Variants in IL21R observed in about 807,000 individuals in gnomAD.
The protein encoded by IL21R is interleukin-21 receptor.
Under a neutral mutation model 41.3 loss-of-function variants are expected in IL21R, and 14 were observed. The observed-to-expected ratio is 0.34, with a 90% CI of 0.22 to 0.53. IL21R has a LOEUF of 0.53. IL21R is among the 20% of genes least tolerant of loss of function. The probability of loss-of-function intolerance (pLI) is 0.94; values close to 1 mark genes in which losing one functional copy is unlikely to be tolerated. For missense variants in IL21R, 588 were observed against 681.6 expected, an observed-to-expected ratio of 0.86 and a Z score of 1.53; for synonymous variants, 286 against 287.6, an observed-to-expected ratio of 0.99 and a Z score of 0.05.
chr16:27,414,575 G>C (rs558816136), intron 1 of IL21R, among the ~76,000 whole-genome samples: 1 of 151,936 alleles, frequency 6.6e-6, no homozygotes, highest in South Asian at 2.1e-4. Flanking sequence ...AAGCACTGAT[G>C]TGTCTGGGAT....
intron 1 of IL21R, among the ~76,000 whole-genome samples, chr16:27,421,266 A>G (rs2086994926): frequency 2.0e-5 from 3 of 151,298 alleles, no homozygotes; most frequent in African/African-American, 7.3e-5. Flanking sequence ...GTTCTTTCTC[A>G]AAACCTTTTT....
chr16:27,412,509 T>G (rs2086837437), intron 1 of IL21R, among the ~76,000 whole-genome samples: 1 of 152,014 alleles, frequency 6.6e-6, no homozygotes. Context: ...GGATGAATTC[T>G]TTTTTTATTT....
chr16:27,423,570 T>C (rs1355591680), intron 1 of IL21R, among the ~76,000 whole-genome samples: 15 of 152,180 alleles, frequency 9.9e-5, no homozygotes, highest in Non-Finnish European at 1.5e-4. Context: ...CTAAACAATA[T>C]ATAGGATGAT....
chr16:27,421,209 GC>G (rs1285581586), intron 1 of IL21R, among the ~76,000 whole-genome samples: 1 of 151,928 alleles, frequency 6.6e-6, no homozygotes, highest in Non-Finnish European at 1.5e-5. Context: ...GATAAGTGTA[GC>G]TTTGTAGTAA....
At chr16:27,410,240 G>C (rs975287383) in intron 1 of IL21R, among the ~76,000 whole-genome samples, 1 of 136,914 alleles carries the variant, frequency 7.3e-6, no homozygotes, top group Non-Finnish European at 1.6e-5. Context: ...GGAGGCTGAG[G>C]CAGAATTGCT....
intron 1 of IL21R, among the ~76,000 whole-genome samples, chr16:27,405,350 A>G (rs753012599): frequency 1.1e-4 from 16 of 151,962 alleles, no homozygotes; most frequent in Admixed American, 3.9e-4. Flanking sequence ...TACTTTAAAT[A>G]TGTAAGAGCT....
At chr16:27,445,608 T>A (rs1305875673) in intron 7 of IL21R, among the ~76,000 whole-genome samples, 1 of 152,150 alleles carries the variant, frequency 6.6e-6, no homozygotes, top group African/African-American at 2.4e-5. Flanking sequence ...TCAGCTGTGA[T>A]CTTGTCCAGT....
Position 27,437,614 on chromosome 16 carries a change from T to C in IL21R, c.279T>C (p.Ile93=). 1.2e-6 allele frequency: 2 copies of C among 1,614,200 alleles called. No homozygotes were observed. The highest frequency in any genetic ancestry group is 2.2e-5 in the South Asian group (2 of 91,080). Reference sequence around the variant, plus strand: ...TATTCCACTTCATGGCCGACGACATTTTCAGTGTCAACATCACAGACCAGT... The same window carrying C: ...TATTCCACTTCATGGCCGACGACATCTTCAGTGTCAACATCACAGACCAGT... The part of the protein sequence containing the change: ...MDVFHFMADD[I]FSVNITDQSG... Residue 93 remains isoleucine, a synonymous_variant, in exon 4 of 9, where the codon ATT becomes ATC. Coordinates refer to ENST00000337929, the MANE Select transcript of IL21R (RefSeq NM_181078.3).
At chr16:27,433,407 A>C (rs2087209040) in intron 2 of IL21R, among the ~76,000 whole-genome samples, 1 of 152,140 alleles carries the variant, frequency 6.6e-6, no homozygotes, top group Non-Finnish European at 1.5e-5. Flanking sequence ...TGGAGGCTGC[A>C]GTGAGCTGAG....
chr16:27,436,748 G>A (rs149327281), intron 3 of IL21R, among the ~76,000 whole-genome samples: 11 of 152,180 alleles, frequency 7.2e-5, no homozygotes, highest in African/African-American at 2.6e-4. Context: ...CTCTTTTCCT[G>A]GCCCTCAGCA....
At position 27,446,589 on chromosome 16, in the gene IL21R, T is replaced by TAA. The variant is rs61289077; in HGVS notation, c.867+513_867+514dup. Among the ~76,000 whole-genome samples, 444 of 145,002 alleles carry TAA rather than the reference T, an allele frequency of 3.1e-3. 1 individual carries two copies. The highest frequency in any genetic ancestry group is 5.2e-3 in the Admixed American group (75 of 14,532). On this transcript the variant is annotated intron_variant, in intron 8 of 8. Transcript: ENST00000337929. ...TGGCCAACAGACAGAGACTATATCT[T>TAA]AAAAAAAAAAAAATCAAAAAGAAAA...
intron 6 of IL21R, 24 bp downstream of exon 6, chr16:27,444,743 A>G (rs1345833847): frequency 6.8e-7 from 1 of 1,465,276 alleles, no homozygotes; most frequent in Non-Finnish European, 9.0e-7. Context: ...TGGGATGGAC[A>G]CCCCACTCCT....
At chr16:27,416,054 C>T (rs992210337) in intron 1 of IL21R, among the ~76,000 whole-genome samples, 11 of 152,094 alleles carry the variant, frequency 7.2e-5, no homozygotes, top group South Asian at 2.1e-4. Context: ...GTTTCATGGT[C>T]GTGTATTTTA....
chr16:27,433,251 G>A (rs1259609516), intron 2 of IL21R, among the ~76,000 whole-genome samples: 1 of 152,174 alleles, frequency 6.6e-6, no homozygotes, highest in Admixed American at 6.5e-5. Context: ...TGGATCGCTT[G>A]AGCTCAGGAG....
chr16:27,445,759 A>G (rs2141312213), intron 7 of IL21R, among the ~76,000 whole-genome samples: 1 of 152,284 alleles, frequency 6.6e-6, no homozygotes, highest in East Asian at 1.9e-4. Flanking sequence ...CAGAAGGGGC[A>G]ACATTTGCCC....
At chr16:27,418,301 C>T (rs1358274754) in intron 1 of IL21R, among the ~76,000 whole-genome samples, 1 of 151,862 alleles carries the variant, frequency 6.6e-6, no homozygotes, top group African/African-American at 2.4e-5. Flanking sequence ...ATCTCCTGAC[C>T]TTGTGATCTG....
intron 1 of IL21R, among the ~76,000 whole-genome samples, chr16:27,418,150 A>G (rs1392005948): frequency 2.6e-5 from 4 of 151,462 alleles, no homozygotes; most frequent in Admixed American, 2.0e-4. Flanking sequence ...GCTCACTGCA[A>G]GCTCCGCCTC....
In IL21R at chr16:27,430,057, C is replaced by A; in HGVS notation, c.-15C>A. On this transcript the variant is annotated splice_region_variant and 5_prime_UTR_variant, in exon 2 of 9. Transcript: ENST00000337929. ...CCCTCCACTGTACGTCTCTTGCAGGCCCGTGGGAGTCAGCATGCCGCGTGG... is the reference window on the plus strand; with the variant it reads ...CCCTCCACTGTACGTCTCTTGCAGGACCGTGGGAGTCAGCATGCCGCGTGG... 1 of 1,606,168 alleles carries A rather than the reference C, an allele frequency of 6.2e-7. No individual in the cohort carries two copies.
intron 1 of IL21R, among the ~76,000 whole-genome samples, chr16:27,411,647 A>G (rs1262816937): frequency 6.6e-6 from 1 of 151,824 alleles, no homozygotes; most frequent in Admixed American, 6.6e-5. Flanking sequence ...ATTTGTTAGT[A>G]GAGATGGGAT....
Sources: allele counts gnomAD v4.1 joint callset (sites outside exome capture counted in the v4.1 genomes callset), GRCh38; gene constraint gnomAD v4.1.1; transcripts MANE v1.5; gene names NCBI Gene and HGNC (gene_info 2026-07-23, HGNC 2026-07-21).